Variants in NBEA observed in about 807,000 individuals in gnomAD.
NBEA encodes lysosomal-trafficking regulator 2.
NBEA carries 44 observed loss-of-function variants against 343.4 expected under a neutral mutation model. That is an observed-to-expected ratio of 0.13 (90% CI 0.10 to 0.16). The LOEUF (loss-of-function observed/expected upper bound fraction) is 0.16. NBEA is among the 10% of genes least tolerant of loss of function. The pLI is 1.00. For synonymous variants in NBEA, 1,175 were observed against 1,238.7 expected (o/e 0.95, Z 1.08); for missense variants, 2,555 against 3,631.3 (o/e 0.70, Z 7.62).
intron 46 of NBEA, among the ~76,000 whole-genome samples, chr13:35,592,045 G>A (rs1024527254): frequency 1.3e-5 from 2 of 151,996 alleles, no homozygotes; most frequent in African/African-American, 2.4e-5. Flanking sequence ...AAACTTGGAA[G>A]CAAATTTAAT....
At chr13:35,135,899 C>A (rs933029913) in intron 17 of NBEA, among the ~76,000 whole-genome samples, 4 of 151,698 alleles carry the variant, frequency 2.6e-5, no homozygotes. Context: ...AACCATATCA[C>A]CACACCCAGC....
intron 40 of NBEA, among the ~76,000 whole-genome samples, chr13:35,455,061 A>G (rs1770550769): frequency 6.6e-6 from 1 of 152,026 alleles, no homozygotes; most frequent in Non-Finnish European, 1.5e-5. Context: ...CTTGCATATT[A>G]TTAGTATGAG....
At chr13:35,040,768 C>A (rs2062621337) in intron 1 of NBEA, among the ~76,000 whole-genome samples, 165 bp from the exon 2 acceptor site, 1 of 152,074 alleles carries the variant, frequency 6.6e-6, no homozygotes. Flanking sequence ...GCTCACAATG[C>A]CTTTCACTTA....
chr13:35,186,960 C>T (rs1377762295), intron 30 of NBEA, among the ~76,000 whole-genome samples: 1 of 151,850 alleles, frequency 6.6e-6, no homozygotes, highest in African/African-American at 2.4e-5. Context: ...ATAACAAAAA[C>T]AGTTGTGCTG....
At chr13:35,240,273 T>A (rs1481729089) in intron 34 of NBEA, among the ~76,000 whole-genome samples, 1 of 151,840 alleles carries the variant, frequency 6.6e-6, no homozygotes, top group African/African-American at 2.4e-5. Context: ...ATGAAGTTAT[T>A]GAGGGGGGAT....
chr13:35,106,909 T>C (rs904087473), intron 11 of NBEA, among the ~76,000 whole-genome samples: 7 of 151,880 alleles, frequency 4.6e-5, no homozygotes, highest in African/African-American at 1.7e-4. Context: ...GATTTTATAA[T>C]ATGGGTTAAT....
rs1209266606 is a variant in NBEA, at chr13:35,070,832, T to C, written c.1551T>C (p.Ser517=). 11 of 1,609,992 alleles carry C rather than the reference T, an allele frequency of 6.8e-6. No individual in the cohort carries two copies. In the South Asian group the frequency reaches 7.7e-5, roughly 11 times the overall value. ...TGGATAATAGGCAGCTCAATGACAG[T>C]CAAGTGGAAACAACTGTCTGGTAAG... ...AQLDNRQLND[S]QVETTVCATL... is the part of the protein sequence containing the mutation. Residue 517 remains serine, a synonymous_variant, in exon 10 of 59, where the codon AGT becomes AGC. Coordinates refer to ENST00000379939, the MANE Select transcript of NBEA (RefSeq NM_001385012.1).
rs575168935 is a variant in NBEA at position 35,668,586 on chromosome 13, A to G, written c.8813+67A>G. ...ATTGAAGGCTCTCTTCATTCTACCAAGGGTGAATTGTGCTGTGAGTGCAAT... is the reference window on the plus strand; with the variant it reads ...ATTGAAGGCTCTCTTCATTCTACCAGGGGTGAATTGTGCTGTGAGTGCAAT... On this transcript the variant is annotated intron_variant, in intron 58 of 58. Transcript: ENST00000379939. The G allele has an allele frequency of 8.4e-5, 121 of 1,441,972 alleles. No homozygotes were observed. In the African/African-American group the frequency reaches 1.6e-3, roughly 19 times the overall value. The allele number at this position is 1,441,972 out of a possible 1,614,324, so 89.3% of individuals were successfully genotyped here. A position where few individuals can be genotyped will look rare whatever the true frequency, so the allele number is the denominator to read the frequency against.
At chr13:35,620,213 T>C (rs1324729124) in intron 48 of NBEA, among the ~76,000 whole-genome samples, 1 of 152,056 alleles carries the variant, frequency 6.6e-6, no homozygotes, top group African/African-American at 2.4e-5. Flanking sequence ...ATAGACAATT[T>C]TTTAAAAGTG....
At chr13:35,353,149 C>G (rs903610403) in intron 38 of NBEA, among the ~76,000 whole-genome samples, 1 of 152,086 alleles carries the variant, frequency 6.6e-6, no homozygotes, top group Admixed American at 6.6e-5. Flanking sequence ...AAAAATGATT[C>G]TGTTGACCTG....
chr13:35,044,563 A>G (rs2062772606), intron 2 of NBEA, among the ~76,000 whole-genome samples: 1 of 150,626 alleles, frequency 6.6e-6, no homozygotes, highest in Non-Finnish European at 1.5e-5. Flanking sequence ...ACATTTGCAT[A>G]TTTTACCTAC....
At chr13:35,033,954 G>T (rs1399594352) in intron 1 of NBEA, among the ~76,000 whole-genome samples, 1 of 151,626 alleles carries the variant, frequency 6.6e-6, no homozygotes, top group Non-Finnish European at 1.5e-5. Context: ...CGCAAACAAG[G>T]ATAATTTGAC....
chr13:34,994,335 A>G (rs2060868522), intron 1 of NBEA, among the ~76,000 whole-genome samples: 1 of 152,042 alleles, frequency 6.6e-6, no homozygotes, highest in Non-Finnish European at 1.5e-5. Flanking sequence ...AGTTTATACT[A>G]ATCAGTTGTT....
chr13:35,180,800 G>A (rs2071263470), intron 28 of NBEA, among the ~76,000 whole-genome samples: 1 of 151,680 alleles, frequency 6.6e-6, no homozygotes. Context: ...ACCCCAATTT[G>A]TAGTCTTTTA....
At chr13:35,109,251 C>T (rs746113457) in intron 11 of NBEA, 39 bp from the exon 12 acceptor site, 1 of 1,512,346 alleles carries the variant, frequency 6.6e-7, no homozygotes, top group Non-Finnish European at 8.9e-7. Flanking sequence ...ATTTGATATT[C>T]TGGATGTTTC....
chr13:35,331,180 G>T (rs1697413175), intron 36 of NBEA, among the ~76,000 whole-genome samples: 1 of 151,930 alleles, frequency 6.6e-6, no homozygotes, highest in African/African-American at 2.4e-5. Flanking sequence ...ACCATTTTCA[G>T]GTACTTTTTA....
intron 30 of NBEA, among the ~76,000 whole-genome samples, chr13:35,188,656 A>T (rs2071918464): frequency 6.6e-6 from 1 of 152,146 alleles, no homozygotes; most frequent in African/African-American, 2.4e-5. Flanking sequence ...TTGATTCCAT[A>T]TTTTGACTAT....
intron 49 of NBEA, among the ~76,000 whole-genome samples, chr13:35,636,762 T>TAGA (rs1268103948): frequency 2.0e-5 from 3 of 152,226 alleles, no homozygotes; most frequent in African/African-American, 7.2e-5. Flanking sequence ...TTGAGTCCTC[T>TAGA]ACTTAGGTAC....
At position 35,593,355 on chromosome 13, in the gene NBEA, G is replaced by A. The variant is rs2081621086; in HGVS notation, c.7204G>A (p.Ala2402Thr). 1 of 1,612,590 alleles carries A rather than the reference G, an allele frequency of 6.2e-7. No individual in the cohort carries two copies. Among genetic ancestry groups the A allele is most frequent in the South Asian group, 1.1e-5 (1 of 91,036 alleles). ...IEPFTTFFLN[A>T]NDGKFDHPDR... ...ACCTTTCACAACCTTCTTCCTCAAT[G>A]CAAATGATGGAAAATTTGATCATCC... The change falls in exon 47 of 59, where the codon GCA becomes ACA. Residue 2402 changes from alanine to threonine, a missense_variant. This residue lies in a region of NBEA where 156 missense variants were observed against 185.8 expected (regional missense o/e 0.84). Coordinates refer to ENST00000379939, the MANE Select transcript of NBEA (RefSeq NM_001385012.1).
Sources: gnomAD v4.1 joint callset for allele counts (sites outside exome capture counted in the v4.1 genomes callset) on GRCh38, gnomAD v4.1.1 for gene constraint, gnomAD v4.1.1 regional missense constraint, MANE v1.5 for transcripts, NCBI Gene and HGNC (gene_info 2026-07-23, HGNC 2026-07-21) for gene names.